Variants in CCDC13 observed in about 807,000 individuals in gnomAD.
CCDC13 encodes coiled-coil domain containing 13.
CCDC13 carries 70 observed loss-of-function variants against 87.3 expected under a neutral mutation model. The observed-to-expected ratio is 0.80, with a 90% CI of 0.66 to 0.98. The LOEUF (loss-of-function observed/expected upper bound fraction) is 0.98. Among genes scored for constraint, CCDC13 ranks in the 50% least tolerant of loss-of-function variants. The pLI is 0.00. For synonymous variants in CCDC13, 317 were observed against 360.3 expected, an observed-to-expected ratio of 0.88 and a Z score of 1.36; for missense variants, 842 against 892.0, an observed-to-expected ratio of 0.94 and a Z score of 0.71.
chr3:42,713,057 T>C (rs1417528725), intron 14 of CCDC13, 105 bp downstream of exon 14: 5 of 1,328,622 alleles, frequency 3.8e-6, no homozygotes, highest in Admixed American at 4.6e-5. Flanking sequence ...AAGCTCTGCT[T>C]CCCACATGCT....
intron 1 of CCDC13, among the ~76,000 whole-genome samples, chr3:42,770,362 C>A (rs917419620): frequency 6.6e-6 from 1 of 152,236 alleles, no homozygotes; most frequent in African/African-American, 2.4e-5. Context: ...CACTCTGTAT[C>A]TAGCTCAAGG....
intron 7 of CCDC13, chr3:42,745,683 G>C (rs568441726): frequency 2.3e-4 from 81 of 355,550 alleles, no homozygotes; most frequent in South Asian, 1.4e-3. Context: ...GTTGGCATTT[G>C]TTAAGCTCCA....
At chr3:42,738,238 T>C (rs1699093665) in intron 9 of CCDC13, among the ~76,000 whole-genome samples, 1 of 152,232 alleles carries the variant, frequency 6.6e-6, no homozygotes, top group Admixed American at 6.5e-5. Flanking sequence ...TGGTGTTATT[T>C]CTGAGGCCTC....
In CCDC13 at chr3:42,722,855, G is replaced by GGATA. The variant is rs534433605; in HGVS notation, c.1718+7611_1718+7612insTATC. 4.8e-4 allele frequency among the ~76,000 whole-genome samples: 69 copies of GGATA among 144,832 alleles called. No individual in the cohort carries two copies. In the East Asian group the frequency reaches 0.012, roughly 25 times the overall value. On this transcript the variant is annotated intron_variant, in intron 13 of 15. Coordinates refer to ENST00000310232, the MANE Select transcript of CCDC13 (RefSeq NM_144719.4). ...TCAGTCACCCAGGCTGGAGTGCAGT[G>GGATA]GCACTATCTCGGCTCATTGCAAGCT...
At chr3:42,753,323 C>G (rs1193373941) in intron 3 of CCDC13, among the ~76,000 whole-genome samples, 1 of 152,228 alleles carries the variant, frequency 6.6e-6, no homozygotes, top group Admixed American at 6.5e-5. Flanking sequence ...GGCCAATCCC[C>G]AACCAACCCC....
At position 42,730,492 on chromosome 3, in the gene CCDC13, C is replaced by T. The variant is rs1438914919; in HGVS notation, c.1693G>A (p.Glu565Lys). 5.0e-6 allele frequency: 8 copies of T among 1,613,924 alleles called. No individual in the cohort carries two copies. The highest frequency in any genetic ancestry group is 2.7e-5 in the African/African-American group (2 of 74,916). ...AAEVERDRLT[E>K]FVTVLQKRVE... ...CGTTTCTGCAGGACAGTGACAAACT[C>T]GGTGAGCCGGTCACGCTCCACCTCG... is the stretch of plus-strand genomic sequence containing the variant. Residue 565 changes from glutamate to lysine, a missense_variant, in exon 13 of 16, where the codon GAG (glutamate) becomes AAG (lysine). Coordinates refer to ENST00000310232, the MANE Select transcript of CCDC13 (RefSeq NM_144719.4).
intron 4 of CCDC13, 122 bp downstream of exon 4, chr3:42,752,453 T>C (rs1320175851): frequency 7.9e-7 from 1 of 1,273,744 alleles, no homozygotes; most frequent in Non-Finnish European, 1.1e-6. Flanking sequence ...ACTGCGTGAC[T>C]TGAGAAAGCC....
intron 1 of CCDC13, among the ~76,000 whole-genome samples, chr3:42,768,835 C>A (rs541197697): frequency 1.9e-4 from 29 of 151,378 alleles, no homozygotes; most frequent in African/African-American, 7.0e-4. Flanking sequence ...TAAGAAAATA[C>A]CCCAGTTAAA....
At chr3:42,732,094 C>T (rs1369082888) in intron 12 of CCDC13, among the ~76,000 whole-genome samples, 1 of 152,226 alleles carries the variant, frequency 6.6e-6, no homozygotes, top group African/African-American at 2.4e-5. Context: ...AGACCTCCCA[C>T]CCTAAGGAGC....
downstream of CCDC13, among the ~76,000 whole-genome samples, chr3:42,705,251 G>T (rs1051151836): frequency 6.6e-6 from 1 of 152,138 alleles, no homozygotes; most frequent in African/African-American, 2.4e-5. Context: ...GTGGGGAGGA[G>T]AAGCTTGTTC....
chr3:42,723,031 T>G (rs1698604849), intron 13 of CCDC13, among the ~76,000 whole-genome samples: 1 of 152,106 alleles, frequency 6.6e-6, no homozygotes, highest in African/African-American at 2.4e-5. Context: ...TCTCCTGACC[T>G]CGTGACCTGC....
In CCDC13 at chr3:42,752,724, TGAAAG is replaced by T. The variant is rs1699617521; in HGVS notation, c.371-12_371-8del. On this transcript the variant is annotated splice_region_variant and splice_polypyrimidine_tract_variant and intron_variant, in intron 3 of 15. Transcript: ENST00000310232. ...CCGGCTACACCGGCTGTCCCTAAAA[TGAAAG>T]GAATGGTGAGGTCAATTAAAAACAC... The T allele has an allele frequency of 1.9e-6, 3 of 1,613,820 alleles. No homozygotes were observed. Among genetic ancestry groups the T allele is most frequent in the Middle Eastern group, 1.7e-4 (1 of 6,060 alleles).
At chr3:42,745,711 A>C (rs1027890532) in intron 7 of CCDC13, 3 of 436,572 alleles carry the variant, frequency 6.9e-6, no homozygotes, top group African/African-American at 5.9e-5. Flanking sequence ...GCATGTGCTA[A>C]GTGTTATATA....
rs757861196 is a variant in CCDC13 at position 42,713,218 on chromosome 3, C to T, written c.1817G>A (p.Arg606His). Residue 606 changes from arginine to histidine, a missense_variant, in exon 14 of 16, where the codon CGC becomes CAC. Transcript: ENST00000310232. ...VVLEQHLEKI[R>H]LEPGKASASQ... ...GGCTGATGCCTTCCCTGGCTCCAGG[C>T]GTATCTTCTCCAGATGTTGCTCCAG... 1.2e-4 allele frequency: 186 copies of T among 1,614,084 alleles called. No homozygotes were observed. Among genetic ancestry groups the T allele is most frequent in the Middle Eastern group, 1.6e-4 (1 of 6,082 alleles).
intron 10 of CCDC13, 186 bp from the exon 11 acceptor site, chr3:42,733,795 C>G (rs1367784699): frequency 3.9e-6 from 1 of 254,866 alleles, no homozygotes; most frequent in Non-Finnish European, 6.2e-6. Flanking sequence ...AATAATGCCT[C>G]TCTTCAGAAA....
chr3:42,758,062 TACACACACACACACACACACAC>T, intron 2 of CCDC13, 41 bp downstream of exon 2: 2 of 996,682 alleles, frequency 2.0e-6, no homozygotes, highest in Non-Finnish European at 3.0e-6. Context: ...GCTCCGGTGG[TACACACACACACACACACACAC>T]ACACACACAC....
At chr3:42,728,400 C>A (rs1002572053) in intron 13 of CCDC13, among the ~76,000 whole-genome samples, 2 of 152,056 alleles carry the variant, frequency 1.3e-5, no homozygotes, top group South Asian at 2.1e-4. Flanking sequence ...CCCCCCCACC[C>A]TCCCCTGTGC....
intron 13 of CCDC13, among the ~76,000 whole-genome samples, chr3:42,722,308 C>G (rs1052077766): frequency 1.3e-5 from 2 of 152,078 alleles, no homozygotes; most frequent in Non-Finnish European, 2.9e-5. Context: ...CCTCTGCAAC[C>G]CTTAGGATTA....
chr3:42,710,052 A>C (rs1698271960), intron 14 of CCDC13, among the ~76,000 whole-genome samples: 1 of 147,970 alleles, frequency 6.8e-6, no homozygotes, highest in South Asian at 2.2e-4. Flanking sequence ...GTGGTTCCTC[A>C]CCACCCTGTC....
Sources: gnomAD v4.1 joint callset for allele counts (sites outside exome capture counted in the v4.1 genomes callset) on GRCh38, gnomAD v4.1.1 for gene constraint, MANE v1.5 for transcripts, NCBI Gene and HGNC (gene_info 2026-07-23, HGNC 2026-07-21) for gene names.